Variants in CTC1 observed in about 807,000 individuals in gnomAD.
The protein encoded by CTC1 is CST telomere replication complex component 1.
In CTC1, 91 loss-of-function variants were observed where a neutral mutation model predicts 136.3. The observed-to-expected ratio is 0.67, with a 90% confidence interval of 0.56 to 0.79. The LOEUF (loss-of-function observed/expected upper bound fraction) is 0.79. CTC1 is among the 30% of genes least tolerant of loss of function. The pLI, the probability that CTC1 is intolerant of heterozygous loss-of-function variation, is 0.00. For synonymous variants in CTC1, 606 were observed against 613.8 expected (o/e 0.99, Z 0.19); for missense variants, 1,432 against 1,498.1 (o/e 0.96, Z 0.73).
At chr17:8,239,681 CA>C (rs1442270801) in intron 2 of CTC1, among the ~76,000 whole-genome samples, 2 of 152,078 alleles carry the variant, frequency 1.3e-5, no homozygotes, top group African/African-American at 4.8e-5. Flanking sequence ...CTCAGCCTCC[CA>C]AAGTGCTGGG....
At chr17:8,238,674 C>A (rs1369359091) in intron 2 of CTC1, 45 bp from the exon 3 acceptor site, 1 of 1,415,478 alleles carries the variant, frequency 7.1e-7, no homozygotes, top group Non-Finnish European at 9.6e-7. Context: ...CAGGTCCAAG[C>A]CTACTAAGGC....
In CTC1 at chr17:8,232,057, C is replaced by G. The variant is rs780355193; in HGVS notation, c.2231G>C (p.Arg744Pro). 1.3e-6 allele frequency: 2 copies of G among 1,569,624 alleles called. No individual in the cohort carries two copies. The highest frequency in any genetic ancestry group is 1.2e-5 in the South Asian group (1 of 83,146). ...LLCHKEALMK[R>P]NFCVPPGASP... is the part of the protein sequence containing the mutation. The stretch of plus-strand genomic sequence containing the variant: ...TGCTCCTGGGGGGACACAAAAATTA[C>G]GCTTCATGAGGGCCTCCTTGTGGCA... Residue 744 changes from arginine to proline, a missense_variant, in exon 13 of 23, where the codon CGT (arginine) becomes CCT (proline). Coordinates refer to ENST00000651323, the MANE Select transcript of CTC1 (RefSeq NM_025099.6).
intron 2 of CTC1, among the ~76,000 whole-genome samples, chr17:8,240,808 G>A (rs981189537): frequency 6.6e-5 from 10 of 152,142 alleles, no homozygotes; most frequent in East Asian, 1.9e-4. Context: ...TCTGGGAGGC[G>A]GAGGTTGCAG....
chr17:8,238,485 TA>T lies in CTC1; in HGVS notation c.341del (p.Leu114Ter), dbSNP rs1567614360. On this transcript the variant is annotated frameshift_variant, in exon 3 of 23. Coordinates refer to ENST00000651323, the MANE Select transcript of CTC1 (RefSeq NM_025099.6). LOFTEE classifies it high-confidence loss of function. ...CTGCCGATAGGTCTGTTAGTGTCCC[TA>T]AAAGTAACAGCTGCTCTCGGGGCAG... ...NPLPREQLLLLGTLTDLSADL... is the reference protein window; with the variant it reads ...NPLPREQLLLXGTLTDLSADL... 5 of 1,614,220 alleles carry T rather than the reference TA, an allele frequency of 3.1e-6. No individual in the cohort carries two copies. The highest frequency in any genetic ancestry group is 4.2e-6 in the Non-Finnish European group (5 of 1,180,040).
rs1389129070 is a variant in CTC1, at chr17:8,229,534, T to TA, written c.3012-89dup. 7 of 1,193,372 alleles carry TA rather than the reference T, an allele frequency of 5.9e-6. No homozygotes were observed. The African/African-American group carries it at 7.6e-5, about 13-fold the overall frequency. The allele number at this position is 1,193,372 out of a possible 1,614,324, so 73.9% of individuals were successfully genotyped here. On this transcript the variant is annotated intron_variant, in intron 18 of 22. Coordinates refer to ENST00000651323, the MANE Select transcript of CTC1 (RefSeq NM_025099.6). ...AAAGCAGGGTGGGTCTAGAAGGACTTAGAGGGCATCAGGATGGGGACAGCA... is the reference window on the plus strand; with the variant it reads ...AAAGCAGGGTGGGTCTAGAAGGACTTAAGAGGGCATCAGGATGGGGACAGCA...
At position 8,228,714 on chromosome 17, in the gene CTC1, A is replaced by G; in HGVS notation, c.3387+13T>C. The G allele has an allele frequency of 6.2e-7, 1 of 1,613,976 alleles. No homozygotes were observed. Among genetic ancestry groups the G allele is most frequent in the East Asian group, 2.2e-5 (1 of 44,864 alleles). ...TTGGGTATCCGAGTCCCTCCCTCCC[A>G]GCCACATTACACCTCAAGTTGGGCT... On this transcript the variant is annotated intron_variant, in intron 21 of 22. Transcript: ENST00000651323.
Position 8,228,629 on chromosome 17 carries a change from A to G in CTC1, c.3388T>C (p.Ser1130Pro), listed in dbSNP as rs1324947018. The G allele has an allele frequency of 6.2e-7, 1 of 1,614,176 alleles. No homozygotes were observed. Among genetic ancestry groups the G allele is most frequent in the Admixed American group, 1.7e-5 (1 of 60,018 alleles). The change falls in exon 22 of 23, where the codon TCT (serine) becomes CCT (proline). Residue 1130 changes from serine (S) to proline (P), a missense_variant and splice_region_variant. Physicochemically the swap from Ser to Pro is moderately conservative, Grantham distance 74 (BLOSUM62 -1). Transcript: ENST00000651323. ...ATGGGCTCGTCAACCCTGGCTGAAG[A>G]CTAGAAAGAGAAGGTCAAGGTTAAC... Reference protein sequence around the residue: ...QFAGPGAQLESSARVDEPMTM... With the variant: ...QFAGPGAQLEPSARVDEPMTM...
chr17:8,238,764 T>C (rs777230715), intron 2 of CTC1, 135 bp from the exon 3 acceptor site: 1 of 637,546 alleles, frequency 1.6e-6, no homozygotes, highest in East Asian at 2.7e-5. Flanking sequence ...TTTGATTGAT[T>C]AAAGGGGTAA....
intron 15 of CTC1, 130 bp from the exon 16 acceptor site, chr17:8,230,781 T>G (rs1403224875): frequency 4.0e-6 from 3 of 743,614 alleles, no homozygotes; most frequent in Non-Finnish European, 6.9e-6. Flanking sequence ...TGAAAAAACC[T>G]GAGCTCTGCC....
chr17:8,245,305 GAA>G (rs557127763), intron 1 of CTC1, among the ~76,000 whole-genome samples: 1 of 151,572 alleles, frequency 6.6e-6, no homozygotes, highest in Admixed American at 6.6e-5. Flanking sequence ...AAGTTAAAAG[GAA>G]AAAAAAGTCT....
chr17:8,238,583 A>C lies in CTC1; in HGVS notation c.244T>G (p.Cys82Gly), dbSNP rs1987946472. 6.2e-7 allele frequency: 1 copy of C among 1,613,724 alleles called. No individual in the cohort carries two copies. Among genetic ancestry groups the C allele is most frequent in the Non-Finnish European group, 8.5e-7 (1 of 1,179,760 alleles). Residue 82 changes from cysteine to glycine, a missense_variant, in exon 3 of 23, where the codon TGC (cysteine) becomes GGC (glycine). Cys to Gly is a radical substitution (Grantham distance 159). Coordinates refer to ENST00000651323, the MANE Select transcript of CTC1 (RefSeq NM_025099.6). The stretch of plus-strand genomic sequence containing the variant: ...CTACTGCTCCACGACAGGTGGCTGC[A>C]GCATGGGAGACGCTGGTGAGTCTTG... ...DLKTHQRLPC[C>G]SHLSWSSSAY...
intron 7 of CTC1, 57 bp from the exon 8 acceptor site, chr17:8,235,342 C>G: frequency 1.5e-6 from 2 of 1,364,746 alleles, no homozygotes; most frequent in Non-Finnish European, 2.1e-6. Flanking sequence ...CTCAATGAAC[C>G]CAGGCAGAGT....
In CTC1 at chr17:8,229,972, C is replaced by T; in HGVS notation, c.2934-4G>A. 2 of 1,613,830 alleles carry T rather than the reference C, an allele frequency of 1.2e-6. No individual in the cohort carries two copies. The highest frequency in any genetic ancestry group is 1.7e-6 in the Non-Finnish European group (2 of 1,179,864). On this transcript the variant is annotated splice_region_variant and splice_polypyrimidine_tract_variant and intron_variant, in intron 17 of 22. Transcript: ENST00000651323. The stretch of plus-strand genomic sequence containing the variant: ...ACAACAATAAACATTGTGAGATCTG[C>T]AAGTGGAAGAGGAATAGTGAGTGAC...
intron 17 of CTC1, 64 bp downstream of exon 17, chr17:8,230,230 G>C: frequency 1.3e-6 from 2 of 1,500,478 alleles, no homozygotes; most frequent in Non-Finnish European, 1.8e-6. Flanking sequence ...AGTTAAGCAG[G>C]GGTGCACATT....
chr17:8,237,008 G>C (rs1414452470), intron 5 of CTC1, among the ~76,000 whole-genome samples: 1 of 143,630 alleles, frequency 7.0e-6, no homozygotes, highest in African/African-American at 2.6e-5. Flanking sequence ...TGTACCAGTT[G>C]ATGCAAAAAG....
intron 15 of CTC1, 109 bp downstream of exon 15, chr17:8,231,167 A>G: frequency 1.1e-6 from 1 of 924,642 alleles, no homozygotes; most frequent in Non-Finnish European, 1.6e-6. Context: ...AAACAACAAT[A>G]ACAAAAGAAA....
Position 8,248,011 on chromosome 17 carries a change from G to A in CTC1, c.26C>T (p.Pro9Leu), listed in dbSNP as rs377386669. ...CGTAATAGCAGCACTCACGGAGGAAGGGACCTGGGCCCGGCCAGCCGCCAT... is the reference window on the plus strand; with the variant it reads ...CGTAATAGCAGCACTCACGGAGGAAAGGACCTGGGCCCGGCCAGCCGCCAT... MAAGRAQV[P>L]SSEQAWLEDA... The change falls in exon 1 of 23, where the codon CCT becomes CTT. Residue 9 changes from proline to leucine, a missense_variant. Pro to Leu is a moderately conservative substitution (Grantham distance 98, BLOSUM62 -3). Coordinates refer to ENST00000651323, the MANE Select transcript of CTC1 (RefSeq NM_025099.6). 1.7e-5 allele frequency: 27 copies of A among 1,610,888 alleles called. No homozygotes were observed. The highest frequency in any genetic ancestry group is 1.6e-4 in the East Asian group (7 of 44,726).
chr17:8,242,796 T>C (rs1186501904), intron 2 of CTC1, among the ~76,000 whole-genome samples, 189 bp downstream of exon 2: 1 of 152,042 alleles, frequency 6.6e-6, no homozygotes, highest in Non-Finnish European at 1.5e-5. Flanking sequence ...CTTAAGCCAA[T>C]TCAGGAGAAC....
At chr17:8,244,527 C>T (rs1384688924) in intron 1 of CTC1, among the ~76,000 whole-genome samples, 1 of 151,648 alleles carries the variant, frequency 6.6e-6, no homozygotes, top group African/African-American at 2.4e-5. Flanking sequence ...TTTCACATTC[C>T]TCTTTTTTTT....
Sources: gnomAD v4.1 joint callset for allele counts (sites outside exome capture counted in the v4.1 genomes callset) on GRCh38, gnomAD v4.1.1 for gene constraint, MANE v1.5 for transcripts, NCBI Gene and HGNC (gene_info 2026-07-23, HGNC 2026-07-21) for gene names.